ANKS1B: variants seen among roughly 807,000 people sequenced by gnomAD.
The protein encoded by ANKS1B is ankyrin repeat and sterile alpha motif domain-containing protein 1B.
In ANKS1B, 36 loss-of-function variants were observed where a neutral mutation model predicts 148.3. The observed-to-expected ratio is 0.24, with a 90% CI of 0.19 to 0.32. The LOEUF is 0.32. ANKS1B is among the 10% of genes least tolerant of loss of function. The pLI is 1.00. For missense variants in ANKS1B, 1,157 were observed against 1,542.6 expected (o/e 0.75, Z 4.19); for synonymous variants, 542 against 560.8 (o/e 0.97, Z 0.47).
intron 17 of ANKS1B, among the ~76,000 whole-genome samples, chr12:98,894,003 GA>G (rs1260214722): frequency 6.6e-6 from 1 of 152,194 alleles, no homozygotes; most frequent in Non-Finnish European, 1.5e-5. Context: ...AATTTCGCTG[GA>G]AACACTGACC....
At chr12:99,200,411 T>G (rs1438018511) in intron 14 of ANKS1B, among the ~76,000 whole-genome samples, 1 of 152,250 alleles carries the variant, frequency 6.6e-6, no homozygotes, top group Non-Finnish European at 1.5e-5. Context: ...GCTAGATGGT[T>G]GTCTTTAGCA....
chr12:99,037,572 G>A (rs1037247718), intron 17 of ANKS1B, among the ~76,000 whole-genome samples: 3 of 152,032 alleles, frequency 2.0e-5, no homozygotes, highest in Admixed American at 6.6e-5. Context: ...AAGCATCTAT[G>A]GCACACAGGC....
chr12:99,213,251 G>C (rs948099468), intron 14 of ANKS1B, among the ~76,000 whole-genome samples: 2 of 152,196 alleles, frequency 1.3e-5, no homozygotes, highest in African/African-American at 4.8e-5. Flanking sequence ...CCAGAGCACA[G>C]CTCCCAGGAG....
chr12:99,732,750 T>C (rs2059283755), intron 8 of ANKS1B, among the ~76,000 whole-genome samples: 1 of 152,182 alleles, frequency 6.6e-6, no homozygotes, highest in Admixed American at 6.6e-5. Flanking sequence ...CTCTAATTTT[T>C]TTAAAAAGGT....
chr12:99,656,043 C>G (rs1226859895), intron 8 of ANKS1B, among the ~76,000 whole-genome samples: 1 of 151,998 alleles, frequency 6.6e-6, no homozygotes, highest in Non-Finnish European at 1.5e-5. Flanking sequence ...TCCTTTTCAC[C>G]CAGCCAGGAA....
At chr12:99,160,316 T>C (rs182812692) in intron 14 of ANKS1B, among the ~76,000 whole-genome samples, 48 of 152,034 alleles carry the variant, frequency 3.2e-4, no homozygotes, top group Non-Finnish European at 6.5e-4. Flanking sequence ...ATGTCCAGAA[T>C]GGTGTTTTCT....
intron 12 of ANKS1B, among the ~76,000 whole-genome samples, chr12:99,333,835 G>A (rs1340441440): frequency 2.2e-5 from 3 of 134,974 alleles, no homozygotes; most frequent in African/African-American, 9.2e-5. Context: ...GGAGATCAAA[G>A]TCACATTTCC....
intron 1 of ANKS1B, among the ~76,000 whole-genome samples, chr12:99,977,091 A>C (rs976856426): frequency 1.3e-5 from 2 of 152,156 alleles, no homozygotes; most frequent in African/African-American, 4.8e-5. Context: ...GCATTAATCC[A>C]TTCATACATG....
At chr12:99,079,210 G>T (rs1443582947) in intron 16 of ANKS1B, among the ~76,000 whole-genome samples, 1 of 152,168 alleles carries the variant, frequency 6.6e-6, no homozygotes, top group Non-Finnish European at 1.5e-5. Flanking sequence ...CAGAAATTGG[G>T]AGATAATAAA....
intron 16 of ANKS1B, among the ~76,000 whole-genome samples, chr12:99,081,854 A>T (rs2049896127): frequency 6.6e-6 from 1 of 152,148 alleles, no homozygotes; most frequent in Non-Finnish European, 1.5e-5. Context: ...TTTGAATGAC[A>T]TGTGAGGAAA....
At chr12:99,273,860 C>T (rs2077359370) in intron 12 of ANKS1B, among the ~76,000 whole-genome samples, 1 of 152,096 alleles carries the variant, frequency 6.6e-6, no homozygotes, top group Non-Finnish European at 1.5e-5. Flanking sequence ...GCTGGGATTA[C>T]AGGTGTAAGC....
intron 15 of ANKS1B, among the ~76,000 whole-genome samples, chr12:99,102,696 AT>A (rs1442797320): frequency 6.6e-6 from 1 of 152,180 alleles, no homozygotes; most frequent in African/African-American, 2.4e-5. Flanking sequence ...GTAAACTGTG[AT>A]CATACCACTG....
rs199775409 is a variant in ANKS1B, at chr12:98,768,888, G to GC, written c.3579+4153_3579+4154insG. On this transcript the variant is annotated intron_variant, in intron 25 of 26. Coordinates refer to ENST00000683438, the MANE Select transcript of ANKS1B (RefSeq NM_001352186.2). Reference sequence around the variant, plus strand: ...CTCACATCCTAGCTTCTGTAGGGGGGGCTCCAGGCCTCCTTTCTCGGACTA... The same window carrying GC: ...CTCACATCCTAGCTTCTGTAGGGGGGCGCTCCAGGCCTCCTTTCTCGGACTA... Among the ~76,000 whole-genome samples the GC allele has an allele frequency of 3.9e-3, 597 of 151,606 alleles. 9 individuals carry two copies. Among genetic ancestry groups the GC allele is most frequent in the African/African-American group, 0.013 (554 of 41,306 alleles).
Position 99,270,684 on chromosome 12 carries a change from C to T in ANKS1B, c.1757-23820G>A, listed in dbSNP as rs144501810. ...TAATATCAGCCTCATCTTCCTCAAC[C>T]CATTTTTTGCACTAGAGCTGGATTG... On this transcript the variant is annotated intron_variant, in intron 12 of 26. Coordinates refer to ENST00000683438, the MANE Select transcript of ANKS1B (RefSeq NM_001352186.2). 4.0e-3 allele frequency among the ~76,000 whole-genome samples: 602 copies of T among 152,266 alleles called. 1 individual carries two copies. Among genetic ancestry groups the T allele is most frequent in the Middle Eastern group, 0.01 (3 of 294 alleles).
chr12:99,516,499 A>G (rs2096822704), intron 9 of ANKS1B, among the ~76,000 whole-genome samples: 1 of 152,132 alleles, frequency 6.6e-6, no homozygotes, highest in East Asian at 1.9e-4. Context: ...AGAGAAAACC[A>G]AACACCTCAT....
intron 17 of ANKS1B, chr12:99,049,073 T>C (rs1390787234): frequency 1.3e-5 from 2 of 152,226 alleles, no homozygotes; most frequent in African/African-American, 4.8e-5. Flanking sequence ...TGATTAAAGT[T>C]GTTAATATTT....
intron 17 of ANKS1B, among the ~76,000 whole-genome samples, chr12:98,878,425 C>T (rs1445160431): frequency 6.6e-6 from 1 of 151,286 alleles, no homozygotes; most frequent in Non-Finnish European, 1.5e-5. Context: ...TGCCTAAACT[C>T]TGAAAAAGTC....
At chr12:99,174,505 G>T (rs976191781) in intron 14 of ANKS1B, among the ~76,000 whole-genome samples, 5 of 152,140 alleles carry the variant, frequency 3.3e-5, no homozygotes, top group African/African-American at 1.2e-4. Context: ...TTCATTCAGA[G>T]TTGACCACAT....
At chr12:99,558,460 G>A (rs1018927071) in intron 9 of ANKS1B, among the ~76,000 whole-genome samples, 7 of 152,264 alleles carry the variant, frequency 4.6e-5, no homozygotes, top group African/African-American at 1.4e-4. Context: ...TGTGTCAAGG[G>A]GGGAGGGGAG....
Sources: allele counts gnomAD v4.1 joint callset (sites outside exome capture counted in the v4.1 genomes callset), GRCh38; gene constraint gnomAD v4.1.1; transcripts MANE v1.5; gene names NCBI Gene and HGNC (gene_info 2026-07-23, HGNC 2026-07-21).